The following HPSE2 variants were observed in gnomAD, a reference collection of about 807,000 sequenced individuals.
HPSE2 encodes the protein inactive heparanase-2.
A neutral mutation model predicts 60.5 loss-of-function variants in HPSE2; 38 were observed. The observed-to-expected ratio is 0.63, with a 90% CI of 0.48 to 0.82. The LOEUF (loss-of-function observed/expected upper bound fraction) is 0.82. Ranked by LOEUF, HPSE2 falls within the 40% of genes least tolerant of loss-of-function variation. HPSE2 has a pLI of 0.00. For missense variants in HPSE2, 713 were observed against 740.4 expected (o/e 0.96, Z 0.43); for synonymous variants, 295 against 293.2 (o/e 1.01, Z -0.06).
intron 3 of HPSE2, among the ~76,000 whole-genome samples, chr10:99,017,179 CTTA>C (rs1957162283): frequency 6.6e-6 from 1 of 151,996 alleles, no homozygotes; most frequent in Admixed American, 6.6e-5. Context: ...ACACATAGCT[CTTA>C]TTATTTTGAG....
chr10:99,300,089 T>C, the HPSE2 span, among the ~76,000 whole-genome samples: 1 of 149,546 alleles, frequency 6.7e-6, no homozygotes. Context: ...GTGGGCCCCC[T>C]ACTGCCTCAG....
intron 9 of HPSE2, among the ~76,000 whole-genome samples, chr10:98,574,623 A>C (rs1215902910): frequency 6.6e-6 from 1 of 151,734 alleles, no homozygotes; most frequent in African/African-American, 2.4e-5. Context: ...ATGCAGAAAA[A>C]CTCCCTGGAT....
At chr10:98,778,786 A>G (rs960236407) in intron 3 of HPSE2, among the ~76,000 whole-genome samples, 1 of 152,192 alleles carries the variant, frequency 6.6e-6, no homozygotes, top group South Asian at 2.1e-4. Flanking sequence ...ATGATCTCCA[A>G]TGTTCATTTG....
In HPSE2 at chr10:98,928,496, C is replaced by T. The variant is rs1164316518; in HGVS notation, c.611-184440G>A. Reference sequence around the variant, plus strand: ...CAGCCATCCCATTACTGGGTATATACCCAAAGGACTATAAATCATGCTGCT... The same window carrying T: ...CAGCCATCCCATTACTGGGTATATATCCAAAGGACTATAAATCATGCTGCT... On this transcript the variant is annotated intron_variant, in intron 3 of 11. Coordinates refer to ENST00000370552, the MANE Select transcript of HPSE2 (RefSeq NM_021828.5). Among the ~76,000 whole-genome samples, 3 of 108,342 alleles carry T rather than the reference C, an allele frequency of 2.8e-5. 1 individual carries two copies. In the South Asian group the frequency reaches 9.8e-4, roughly 35 times the overall value. The allele number at this position is 108,342 out of a possible 152,430, so 71.1% of individuals were successfully genotyped here.
intron 3 of HPSE2, among the ~76,000 whole-genome samples, chr10:98,803,314 C>T (rs28879154): frequency 0.02 from 2,856 of 145,008 alleles, 159 homozygotes; most frequent in African/African-American, 0.072. Flanking sequence ...GTGCAGAAGC[C>T]CTTTAGTTTA....
chr10:98,991,876 G>A (rs1272982358), intron 3 of HPSE2, among the ~76,000 whole-genome samples: 4 of 152,116 alleles, frequency 2.6e-5, no homozygotes, highest in South Asian at 4.2e-4. Context: ...AACTGGCTAG[G>A]AGCAGGTCTG....
At chr10:98,653,917 T>C (rs998684470) in intron 6 of HPSE2, among the ~76,000 whole-genome samples, 2 of 152,110 alleles carry the variant, frequency 1.3e-5, no homozygotes, top group African/African-American at 4.8e-5. Flanking sequence ...CCCTCAGTTT[T>C]TGTTTGTCTG....
intron 9 of HPSE2, among the ~76,000 whole-genome samples, chr10:98,611,688 A>G (rs1234894926): frequency 2.0e-5 from 3 of 152,172 alleles, no homozygotes; most frequent in African/African-American, 7.2e-5. Flanking sequence ...AGCCTTGTAA[A>G]TTCCTTCCAG....
chr10:98,610,282 T>C (rs966571906), intron 9 of HPSE2, among the ~76,000 whole-genome samples: 5 of 152,174 alleles, frequency 3.3e-5, no homozygotes. Flanking sequence ...CTCTAACACT[T>C]TGGAGGGAAA....
intron 3 of HPSE2, among the ~76,000 whole-genome samples, chr10:99,066,515 C>T (rs1842622954): frequency 6.6e-6 from 1 of 152,142 alleles, no homozygotes; most frequent in Non-Finnish European, 1.5e-5. Context: ...GGTGGCCTCA[C>T]AATCATGGCA....
intron 3 of HPSE2, among the ~76,000 whole-genome samples, chr10:98,969,651 T>C (rs1186337807): frequency 6.6e-6 from 1 of 152,234 alleles, no homozygotes; most frequent in Non-Finnish European, 1.5e-5. Context: ...GCTATGACAT[T>C]AGTCCAGTCA....
intron 10 of HPSE2, among the ~76,000 whole-genome samples, chr10:98,484,790 T>C (rs575999352): frequency 6.6e-6 from 1 of 152,352 alleles, no homozygotes; most frequent in African/African-American, 2.4e-5. Flanking sequence ...TCTTCAGAAG[T>C]CTGAGAGAAC....
At chr10:98,849,809 ATC>A (rs1432981385) in intron 3 of HPSE2, among the ~76,000 whole-genome samples, 1 of 152,130 alleles carries the variant, frequency 6.6e-6, no homozygotes, top group African/African-American at 2.4e-5. Flanking sequence ...CAGTGGTGCA[ATC>A]TCGGCTCACT....
rs1283295173 is a variant in HPSE2, at chr10:98,901,260, T to C, written c.611-157204A>G. ...ACAACACTTTTGGAGCTTGCTGAAA[T>C]ACCTTATATCTTGATTTTGATGGCA... On this transcript the variant is annotated intron_variant, in intron 3 of 11. Transcript: ENST00000370552. 3.3e-5 allele frequency among the ~76,000 whole-genome samples: 5 copies of C among 152,190 alleles called. No individual in the cohort carries two copies. The East Asian group carries it at 9.6e-4, about 29-fold the overall frequency.
chr10:98,952,669 T>A (rs1047417458), intron 3 of HPSE2, among the ~76,000 whole-genome samples: 24 of 152,112 alleles, frequency 1.6e-4, no homozygotes, highest in Admixed American at 2.6e-4. Flanking sequence ...AGAAATTATT[T>A]TCTCACAATT....
chr10:98,817,359 T>C (rs969365459), intron 3 of HPSE2, among the ~76,000 whole-genome samples: 2 of 152,202 alleles, frequency 1.3e-5, no homozygotes, highest in African/African-American at 2.4e-5. Flanking sequence ...AAACAAAAGA[T>C]ACTTCAGAAT....
Position 98,838,460 on chromosome 10 carries a change from A to AT in HPSE2, c.611-94405dup, listed in dbSNP as rs150325307. ...TCAGAGAATAATCCAGGCCTGATTC[A>AT]TTTTTTTTTTTTTTAGATGGGGTCT... On this transcript the variant is annotated intron_variant, in intron 3 of 11. Transcript: ENST00000370552. Among the ~76,000 whole-genome samples the AT allele has an allele frequency of 2.0e-3, 283 of 142,370 alleles. 1 individual carries two copies. The highest frequency in any genetic ancestry group is 3.4e-3 in the African/African-American group (133 of 39,464). 93.4% of individuals were successfully genotyped at this position (142,370 alleles called of 152,430 possible). A position where few individuals can be genotyped will look rare whatever the true frequency, so the allele number is the denominator to read the frequency against.
At chr10:99,149,278 G>C (rs1340062759) in intron 2 of HPSE2, among the ~76,000 whole-genome samples, 1 of 152,028 alleles carries the variant, frequency 6.6e-6, no homozygotes, top group Non-Finnish European at 1.5e-5. Flanking sequence ...CCCATCCCTG[G>C]AGATATTCAA....
At chr10:99,315,296 C>T in the HPSE2 span, among the ~76,000 whole-genome samples, 1 of 152,162 alleles carries the variant, frequency 6.6e-6, no homozygotes, top group East Asian at 1.9e-4. Flanking sequence ...CCTGTGATTT[C>T]TATTGGTGAC....
Sources: gnomAD v4.1 joint callset for allele counts (sites outside exome capture counted in the v4.1 genomes callset) on GRCh38, gnomAD v4.1.1 for gene constraint, MANE v1.5 for transcripts, NCBI Gene and HGNC (gene_info 2026-07-23, HGNC 2026-07-21) for gene names.